Variants in PTPRD observed in about 807,000 individuals in gnomAD.
PTPRD encodes protein tyrosine phosphatase receptor type D.
A neutral mutation model predicts 214.5 loss-of-function variants in PTPRD; 34 were observed. The observed-to-expected ratio is 0.16, with a 90% CI of 0.12 to 0.21. The LOEUF is 0.21. PTPRD is among the 10% of genes least tolerant of loss of function. The pLI is 1.00. For missense variants in PTPRD, 2,545 were observed against 2,398.7 expected (o/e 1.06, Z -1.27); for synonymous variants, 1,128 against 845.7 (o/e 1.33, Z -5.79).
chr9:10,602,837 A>G (rs1471223695), intron 2 of PTPRD, among the ~76,000 whole-genome samples: 2 of 151,736 alleles, frequency 1.3e-5, no homozygotes, highest in African/African-American at 4.8e-5. Context: ...TTTCATTATT[A>G]TGTGGGGCAT....
intron 9 of PTPRD, among the ~76,000 whole-genome samples, chr9:9,220,618 A>C (rs2099955313): frequency 6.6e-6 from 1 of 152,056 alleles, no homozygotes; most frequent in Non-Finnish European, 1.5e-5. Context: ...TTGAATAGAC[A>C]TTAGTATCCA....
intron 5 of PTPRD, among the ~76,000 whole-genome samples, chr9:9,796,939 A>T (rs1414583702): frequency 3.3e-5 from 5 of 152,218 alleles, no homozygotes; most frequent in Non-Finnish European, 7.4e-5. Context: ...CTTATTCATC[A>T]TCTGAATAGT....
intron 2 of PTPRD, among the ~76,000 whole-genome samples, chr9:10,448,148 TAA>T (rs1435542035): frequency 6.6e-6 from 1 of 152,058 alleles, no homozygotes. Flanking sequence ...TTTCGAGTCT[TAA>T]GACAGCATTA....
At position 9,870,686 on chromosome 9, in the gene PTPRD, A is replaced by T. The variant is rs2065183748; in HGVS notation, c.-368+67821T>A. On this transcript the variant is annotated intron_variant, in intron 5 of 45. Transcript: ENST00000381196. ...CATGTATGAGAATGACTTTGTTCTT[A>T]AGACATGTCTTCTGAAAGATTTGAG... 4.6e-5 allele frequency among the ~76,000 whole-genome samples: 7 copies of T among 152,040 alleles called. No homozygotes were observed. The South Asian group carries it at 1.4e-3, about 31-fold the overall frequency.
chr9:8,662,824 A>T (rs1381682103), intron 12 of PTPRD, among the ~76,000 whole-genome samples: 3 of 152,154 alleles, frequency 2.0e-5, no homozygotes, highest in African/African-American at 2.4e-5. Context: ...AACTGTTTTA[A>T]ATTTTGGTTC....
chr9:8,744,151 G>C (rs2154448650), intron 11 of PTPRD, among the ~76,000 whole-genome samples: 1 of 152,258 alleles, frequency 6.6e-6, no homozygotes, highest in South Asian at 2.1e-4. Flanking sequence ...TTAAAAAATA[G>C]ATGTTGGTGT....
At chr9:8,604,508 G>A (rs1168188454) in intron 14 of PTPRD, among the ~76,000 whole-genome samples, 2 of 152,148 alleles carry the variant, frequency 1.3e-5, no homozygotes, top group Non-Finnish European at 2.9e-5. Flanking sequence ...TCCAAGATGA[G>A]GCCAGCAAGG....
chr9:10,210,990 T>A (rs2099514585), intron 3 of PTPRD, among the ~76,000 whole-genome samples: 1 of 151,246 alleles, frequency 6.6e-6, no homozygotes. Context: ...AGGGTACACA[T>A]TTTTGTGTAA....
intron 3 of PTPRD, among the ~76,000 whole-genome samples, chr9:10,187,026 A>G (rs2154315398): frequency 6.6e-6 from 1 of 152,286 alleles, no homozygotes; most frequent in Non-Finnish European, 1.5e-5. Context: ...AGGAGAGAAA[A>G]GGTATTTTGC....
Position 10,261,050 on chromosome 9 carries a change from A to T in PTPRD, c.-545+79913T>A, listed in dbSNP as rs147507774. Among the ~76,000 whole-genome samples the T allele has an allele frequency of 3.8e-3, 503 of 133,940 alleles. 3 individuals are homozygous for T. The highest frequency in any genetic ancestry group is 0.014 in the African/African-American group (486 of 34,398). The allele number at this position is 133,940 out of a possible 152,430, so 87.9% of individuals were successfully genotyped here. A position where few individuals can be genotyped will look rare whatever the true frequency, so the allele number is the denominator to read the frequency against. ...TATATTATATATGTGTATATATATT[A>T]TATATGTGTATATATATTATATATA... On this transcript the variant is annotated intron_variant, in intron 3 of 45. Transcript: ENST00000381196.
At chr9:9,813,761 TA>T (rs1352408970) in intron 5 of PTPRD, among the ~76,000 whole-genome samples, 2 of 152,116 alleles carry the variant, frequency 1.3e-5, no homozygotes, top group African/African-American at 4.8e-5. Flanking sequence ...AAACTCATTT[TA>T]AAAGGTCAGA....
intron 11 of PTPRD, among the ~76,000 whole-genome samples, chr9:8,911,424 T>TGTGTGTGTGTGTGG (rs2098747529): frequency 6.6e-6 from 1 of 151,306 alleles, no homozygotes. Context: ...GTTGTGTGTG[T>TGTGTGTGTGTGTGG]GTGTGTGTGT....
chr9:8,709,135 G>A (rs375968491), intron 12 of PTPRD, among the ~76,000 whole-genome samples: 5 of 152,002 alleles, frequency 3.3e-5, no homozygotes, highest in Non-Finnish European at 5.9e-5. Flanking sequence ...GTCAAAGGAC[G>A]CAAAATTTTA....
intron 9 of PTPRD, among the ~76,000 whole-genome samples, chr9:9,321,448 G>C (rs1181762826): frequency 4.0e-5 from 6 of 151,814 alleles, no homozygotes; most frequent in African/African-American, 1.4e-4. Context: ...CCAGCTACTA[G>C]GGAGGCTGAG....
intron 5 of PTPRD, among the ~76,000 whole-genome samples, chr9:9,907,576 A>G (rs2077966144): frequency 6.6e-6 from 1 of 152,084 alleles, no homozygotes; most frequent in East Asian, 1.9e-4. Context: ...TCAGAGTCCT[A>G]TTCTTCTAAC....
At chr9:9,057,725 C>T (rs1407190821) in intron 10 of PTPRD, among the ~76,000 whole-genome samples, 1 of 152,026 alleles carries the variant, frequency 6.6e-6, no homozygotes, top group Non-Finnish European at 1.5e-5. Context: ...ATGTAGAAAA[C>T]ATCAATGAGA....
chr9:9,469,527 C>T (rs1267946540), intron 8 of PTPRD, among the ~76,000 whole-genome samples: 2 of 152,116 alleles, frequency 1.3e-5, no homozygotes, highest in Admixed American at 6.6e-5. Context: ...AGTAACAATA[C>T]TTCCTATTTC....
At chr9:8,362,806 G>T (rs1379954703) in intron 39 of PTPRD, among the ~76,000 whole-genome samples, 1 of 152,186 alleles carries the variant, frequency 6.6e-6, no homozygotes, top group Non-Finnish European at 1.5e-5. Flanking sequence ...TCAGTCAAGT[G>T]AGTGACTTGC....
At chr9:9,552,100 A>G (rs1483874213) in intron 8 of PTPRD, among the ~76,000 whole-genome samples, 1 of 152,014 alleles carries the variant, frequency 6.6e-6, no homozygotes, top group African/African-American at 2.4e-5. Flanking sequence ...AATAGTCAAT[A>G]TTCATTTACT....
Sources: allele counts gnomAD v4.1 joint callset (sites outside exome capture counted in the v4.1 genomes callset), GRCh38; gene constraint gnomAD v4.1.1; transcripts MANE v1.5; gene names NCBI Gene and HGNC (gene_info 2026-07-23, HGNC 2026-07-21).